Variants in KCNH8 observed in about 807,000 individuals in gnomAD.
KCNH8 encodes potassium voltage-gated channel subfamily H member 8, also known as voltage-gated delayed rectifier potassium channel KCNH8.
A neutral mutation model predicts 103.6 loss-of-function variants in KCNH8; 70 were observed. The ratio of observed to expected loss-of-function variants is 0.68; its 90% CI spans 0.56 to 0.82. The LOEUF (loss-of-function observed/expected upper bound fraction) is 0.82. Among genes scored for constraint, KCNH8 ranks in the 40% least tolerant of loss-of-function variants. The probability of loss-of-function intolerance (pLI) is 0.00; values close to 1 mark genes in which losing one functional copy is unlikely to be tolerated. For synonymous variants in KCNH8, 498 were observed against 489.4 expected (o/e 1.02, Z -0.23); for missense variants, 1,217 against 1,329.9 (o/e 0.92, Z 1.32).
chr3:19,154,528 A>G (rs2063161664), intron 1 of KCNH8, among the ~76,000 whole-genome samples: 1 of 152,248 alleles, frequency 6.6e-6, no homozygotes, highest in African/African-American at 2.4e-5. Context: ...ACTACAGTAG[A>G]TGCCAACTTT....
At chr3:19,460,140 A>C (rs1460874874) in intron 11 of KCNH8, among the ~76,000 whole-genome samples, 3 of 152,166 alleles carry the variant, frequency 2.0e-5, no homozygotes, top group Non-Finnish European at 4.4e-5. Context: ...AACCAACTTA[A>C]TGCTGACCAT....
chr3:19,337,294 G>T (rs1212996417), intron 3 of KCNH8, among the ~76,000 whole-genome samples: 1 of 151,960 alleles, frequency 6.6e-6, no homozygotes, highest in African/African-American at 2.4e-5. Flanking sequence ...CCAAGACAAA[G>T]TTCCTGGCAT....
intron 1 of KCNH8, among the ~76,000 whole-genome samples, chr3:19,169,742 G>A (rs891636527): frequency 4.6e-5 from 7 of 152,160 alleles, no homozygotes; most frequent in Admixed American, 1.3e-4. Flanking sequence ...ATATTATCCT[G>A]TTTTATAACA....
intron 3 of KCNH8, among the ~76,000 whole-genome samples, chr3:19,292,976 TG>T (rs773138532): frequency 1.7e-4 from 26 of 152,304 alleles, no homozygotes; most frequent in Middle Eastern, 3.4e-3. Context: ...AATCAAGGTT[TG>T]GGTTTTTTCC....
chr3:19,515,786 C>G (rs2068863923), intron 14 of KCNH8, among the ~76,000 whole-genome samples: 1 of 151,976 alleles, frequency 6.6e-6, no homozygotes, highest in African/African-American at 2.4e-5. Flanking sequence ...TGATTGTGCA[C>G]TGAAGGAACA....
At chr3:19,528,324 G>A (rs1305346391) in intron 15 of KCNH8, among the ~76,000 whole-genome samples, 7 of 151,964 alleles carry the variant, frequency 4.6e-5, no homozygotes, top group Non-Finnish European at 1.0e-4. Context: ...TCATAATGTA[G>A]TTATGAGATC....
At chr3:19,453,255 A>G (rs529360068) in intron 10 of KCNH8, among the ~76,000 whole-genome samples, 1 of 152,238 alleles carries the variant, frequency 6.6e-6, no homozygotes, top group East Asian at 1.9e-4. Flanking sequence ...TATACAATGT[A>G]CACCATTCAA....
chr3:19,287,572 T>TTTGTTG (rs113159230), intron 3 of KCNH8, among the ~76,000 whole-genome samples: 4,425 of 150,774 alleles, frequency 0.029, 190 homozygotes, highest in African/African-American at 0.089. Context: ...CAGTCCACTT[T>TTTGTTG]TTGTTGTTGT....
chr3:19,490,261 G>A (rs1183714765), intron 11 of KCNH8, among the ~76,000 whole-genome samples: 3 of 152,190 alleles, frequency 2.0e-5, no homozygotes, highest in African/African-American at 2.4e-5. Context: ...GACAAGAACC[G>A]CTCAGACACC....
At chr3:19,457,035 T>A in intron 11 of KCNH8, 53 bp downstream of exon 11, 3 of 1,279,158 alleles carry the variant, frequency 2.3e-6, no homozygotes, top group Non-Finnish European at 2.2e-6. Context: ...GGCCTGGAGA[T>A]CATTTGTAAC....
chr3:19,513,217 A>G lies in KCNH8; in HGVS notation c.2327A>G (p.Lys776Arg). Residue 776 changes from lysine to arginine, a missense_variant, in exon 13 of 16, where the codon AAA (lysine) becomes AGA (arginine). Lys to Arg is a conservative substitution (Grantham distance 26). Transcript: ENST00000328405. The part of the protein sequence containing the change: ...PIRVSRSNSP[K>R]TKQEIDPPNH... ...AGAGTCTCCAGGTCAAATTCCCCCAAAACCAAGCAGGAAATTGACCCCCCC... is the reference window on the plus strand; with the variant it reads ...AGAGTCTCCAGGTCAAATTCCCCCAGAACCAAGCAGGAAATTGACCCCCCC... 1 of 1,613,928 alleles carries G rather than the reference A, an allele frequency of 6.2e-7. No individual in the cohort carries two copies. Among genetic ancestry groups the G allele is most frequent in the Non-Finnish European group, 8.5e-7 (1 of 1,179,960 alleles).
At chr3:19,454,421 G>A (rs1006138402) in intron 10 of KCNH8, among the ~76,000 whole-genome samples, 3 of 151,978 alleles carry the variant, frequency 2.0e-5, no homozygotes, top group Non-Finnish European at 2.9e-5. Flanking sequence ...GTTTTTAAGA[G>A]GGCATCTAGA....
chr3:19,443,051 TTATAAA>T (rs1430840184), intron 8 of KCNH8, among the ~76,000 whole-genome samples: 1 of 151,794 alleles, frequency 6.6e-6, no homozygotes, highest in Non-Finnish European at 1.5e-5. Flanking sequence ...TACTTAATTT[TTATAAA>T]TATAAACAAA....
At chr3:19,417,183 A>T (rs953083628) in intron 7 of KCNH8, among the ~76,000 whole-genome samples, 4 of 148,526 alleles carry the variant, frequency 2.7e-5, no homozygotes, top group Non-Finnish European at 5.9e-5. Flanking sequence ...ATTAAATTAG[A>T]TATTTTGGAA....
intron 1 of KCNH8, among the ~76,000 whole-genome samples, chr3:19,219,693 G>A (rs186346834): frequency 2.2e-4 from 33 of 152,282 alleles, no homozygotes; most frequent in Admixed American, 9.8e-4. Flanking sequence ...TCTTATGGGT[G>A]CTTGCCATGG....
intron 11 of KCNH8, among the ~76,000 whole-genome samples, chr3:19,469,994 A>C (rs181138399): frequency 6.6e-6 from 1 of 152,300 alleles, no homozygotes; most frequent in Admixed American, 6.5e-5. Flanking sequence ...CCTACCTCAG[A>C]AAAATGAAAG....
chr3:19,503,817 T>A (rs988582060), intron 11 of KCNH8, among the ~76,000 whole-genome samples: 32 of 151,644 alleles, frequency 2.1e-4, no homozygotes, highest in Non-Finnish European at 3.8e-4. Context: ...TTAGGAGATA[T>A]ACCTAATGCT....
At chr3:19,336,549 A>T (rs2065588053) in intron 3 of KCNH8, among the ~76,000 whole-genome samples, 1 of 151,908 alleles carries the variant, frequency 6.6e-6, no homozygotes, top group Admixed American at 6.6e-5. Flanking sequence ...TTATTAATGT[A>T]TTAACATTAA....
intron 2 of KCNH8, among the ~76,000 whole-genome samples, chr3:19,254,519 G>A (rs867094802): frequency 2.6e-5 from 4 of 152,206 alleles, no homozygotes; most frequent in African/African-American, 9.6e-5. Context: ...CTGCAGTTTT[G>A]TGACTCTCTT....
Sources: allele counts gnomAD v4.1 joint callset (sites outside exome capture counted in the v4.1 genomes callset), GRCh38; gene constraint gnomAD v4.1.1; transcripts MANE v1.5; gene names NCBI Gene and HGNC (gene_info 2026-07-23, HGNC 2026-07-21).